The following LAIR2 variants were observed in gnomAD, a reference collection of about 807,000 sequenced individuals.
The protein encoded by LAIR2 is leukocyte-associated immunoglobulin-like receptor 2.
Under a neutral mutation model 14.8 loss-of-function variants are expected in LAIR2, and 14 were observed. That is an observed-to-expected ratio of 0.95 (90% CI 0.62 to 1.48). The LOEUF is 1.48. Among genes scored for constraint, LAIR2 ranks in the 40% most tolerant of loss-of-function variants. The probability of loss-of-function intolerance (pLI) is 0.00; values close to 1 mark genes in which losing one functional copy is unlikely to be tolerated. For missense variants in LAIR2, 172 were observed against 180.9 expected, an observed-to-expected ratio of 0.95 and a Z score of 0.28; for synonymous variants, 75 against 74.5, an observed-to-expected ratio of 1.01 and a Z score of -0.03.
At chr19:54,506,293 G>A (rs772248358) in intron 2 of LAIR2, among the ~76,000 whole-genome samples, 53 of 152,132 alleles carry the variant, frequency 3.5e-4, no homozygotes, top group Non-Finnish European at 6.8e-4. Flanking sequence ...TGGTGAGAAC[G>A]CTTAGAATCA....
At chr19:54,506,016 G>T (rs1337865136) in intron 2 of LAIR2, among the ~76,000 whole-genome samples, 1 of 151,876 alleles carries the variant, frequency 6.6e-6, no homozygotes, top group Non-Finnish European at 1.5e-5. Context: ...GTAGAGACGG[G>T]GATTCACCAT....
At chr19:54,508,261 C>T (rs1260495369) in intron 3 of LAIR2, 77 bp downstream of exon 3, 46 of 1,421,912 alleles carry the variant, frequency 3.2e-5, no homozygotes, top group Middle Eastern at 5.1e-4. Context: ...GTCCCTGTCC[C>T]GGCTGCTGTC....
rs779830903 is a variant in LAIR2, at chr19:54,503,734, G to A, written c.69G>A (p.Glu23=). Residue 23 remains glutamate (E), a splice_region_variant and synonymous_variant, in exon 2 of 5, where the codon GAG becomes GAA. Transcript: ENST00000301202. The part of the protein sequence containing the change: ...LCLAQTIHTQ[E]GALPRPSISA... ...TGGCCCAGACCATCCACACGCAGGA[G>A]GGTAAGTCATGCCTTCGTCCCGTCT... 1.2e-6 allele frequency: 2 copies of A among 1,614,020 alleles called. No homozygotes were observed. The highest frequency in any genetic ancestry group is 2.2e-5 in the South Asian group (2 of 91,076).
intron 4 of LAIR2, among the ~76,000 whole-genome samples, 196 bp from the exon 5 acceptor site, chr19:54,510,330 C>T (rs1020015888): frequency 6.6e-6 from 1 of 151,392 alleles, no homozygotes; most frequent in Non-Finnish European, 1.5e-5. Flanking sequence ...TGGCTCTATG[C>T]CTGACGGTGA....
chr19:54,508,360 A>G (rs114834145), intron 3 of LAIR2, among the ~76,000 whole-genome samples, 176 bp downstream of exon 3: 14,143 of 151,040 alleles, frequency 0.094, 747 homozygotes, highest in Middle Eastern at 0.16. Context: ...CTGCCCTCAC[A>G]CCTGCTTAGG....
At position 54,507,895 on chromosome 19, in the gene LAIR2, C is replaced by G; in HGVS notation, c.75C>G (p.Ala25=). 1.2e-6 allele frequency: 2 copies of G among 1,613,454 alleles called. No individual in the cohort carries two copies. Among genetic ancestry groups the G allele is most frequent in the Non-Finnish European group, 1.7e-6 (2 of 1,179,566 alleles). The change falls in exon 3 of 5, where the codon GCC becomes GCG. Residue 25 remains alanine, a synonymous_variant. Transcript: ENST00000301202. ...CCTTCTTTGCTTCCCTCTTAGGGGCCCTTCCCAGACCCTCCATCTCGGCTG... is the reference window on the plus strand; with the variant it reads ...CCTTCTTTGCTTCCCTCTTAGGGGCGCTTCCCAGACCCTCCATCTCGGCTG... ...LAQTIHTQEG[A]LPRPSISAEP... is the part of the protein sequence containing the mutation.
In LAIR2 at chr19:54,503,700, T is replaced by G. The variant is rs538736565; in HGVS notation, c.35T>G (p.Val12Gly). The change falls in exon 2 of 5, where the codon GTG (valine) becomes GGG (glycine). Residue 12 changes from valine (V) to glycine (G), a missense_variant and splice_region_variant. Physicochemically the swap from Val to Gly is moderately radical, Grantham distance 109. This residue lies in a region of LAIR2 where 161 missense variants were observed against 149.0 expected (regional missense o/e 1.08). Coordinates refer to ENST00000301202, the MANE Select transcript of LAIR2 (RefSeq NM_002288.6). The part of the protein sequence containing the change: ...SPHLTALLGL[V>G]LCLAQTIHTQ... ...TTTCTCACTGGGGCTTCTCTTCCAG[T>G]GCTCTGCCTGGCCCAGACCATCCAC... 6.2e-7 allele frequency: 1 copy of G among 1,613,972 alleles called. No homozygotes were observed. The highest frequency in any genetic ancestry group is 1.1e-5 in the South Asian group (1 of 91,070).
At position 54,507,353 on chromosome 19, in the gene LAIR2, G is replaced by T. The variant is rs185920506; in HGVS notation, c.71-538G>T. On this transcript the variant is annotated intron_variant, in intron 2 of 4. Coordinates refer to ENST00000301202, the MANE Select transcript of LAIR2 (RefSeq NM_002288.6). Reference sequence around the variant, plus strand: ...ACCTGTCACGGGCTGGGCATCTGCTGTGAGCAGATCAGGGCTGGGGGCTTC... The same window carrying T: ...ACCTGTCACGGGCTGGGCATCTGCTTTGAGCAGATCAGGGCTGGGGGCTTC... 2.7e-3 allele frequency among the ~76,000 whole-genome samples: 407 copies of T among 151,644 alleles called. 1 individual carries two copies. The highest frequency in any genetic ancestry group is 9.4e-3 in the African/African-American group (392 of 41,492).
chr19:54,507,109 C>G (rs2085377740), intron 2 of LAIR2, among the ~76,000 whole-genome samples: 1 of 151,110 alleles, frequency 6.6e-6, no homozygotes, highest in Admixed American at 6.6e-5. Context: ...CCTGCCAGCT[C>G]TCTGCCCCGC....
At chr19:54,506,257 T>C (rs1203416993) in intron 2 of LAIR2, among the ~76,000 whole-genome samples, 1 of 152,196 alleles carries the variant, frequency 6.6e-6, no homozygotes, top group Non-Finnish European at 1.5e-5. Flanking sequence ...AACGTAGGCA[T>C]TCCTCCTGTG....
chr19:54,510,650 T>A lies in LAIR2; in HGVS notation c.*81T>A. The A allele has an allele frequency of 6.9e-7, 1 of 1,446,814 alleles. No individual in the cohort carries two copies. Among genetic ancestry groups the A allele is most frequent in the Non-Finnish European group, 9.7e-7 (1 of 1,030,614 alleles). 89.6% of individuals were successfully genotyped at this position (1,446,814 alleles called of 1,614,324 possible). A position where few individuals can be genotyped will look rare whatever the true frequency, so the allele number is the denominator to read the frequency against. On this transcript the variant is annotated 3_prime_UTR_variant, in exon 5 of 5. Transcript: ENST00000301202. ...TGAGCAATAGAAATGCACAGATGCC[T>A]ATACATACATATACAAATAAAAAGA...
At chr19:54,509,965 G>A (rs909270241) in intron 4 of LAIR2, among the ~76,000 whole-genome samples, 1 of 148,228 alleles carries the variant, frequency 6.7e-6, no homozygotes, top group Non-Finnish European at 1.5e-5. Context: ...CCCGGTGACT[G>A]CCTGTGAGGC....
intron 3 of LAIR2, among the ~76,000 whole-genome samples, chr19:54,508,614 C>A (rs1355288659): frequency 6.6e-6 from 1 of 152,236 alleles, no homozygotes; most frequent in Admixed American, 6.5e-5. Context: ...TGGTTCATCT[C>A]CCACTGGGCA....
At position 54,509,902 on chromosome 19, in the gene LAIR2, C is replaced by T. The variant is rs990211501; in HGVS notation, c.416-624C>T. ...AGGACACGGGGTCATAAGCCATTCG[C>T]GGCCCCTTCCCCACCTGGGTTTCTA... On this transcript the variant is annotated intron_variant, in intron 4 of 4. Coordinates refer to ENST00000301202, the MANE Select transcript of LAIR2 (RefSeq NM_002288.6). 1.1e-4 allele frequency among the ~76,000 whole-genome samples: 16 copies of T among 151,164 alleles called. 1 individual carries two copies. The highest frequency in any genetic ancestry group is 3.4e-3 in the Middle Eastern group (1 of 292).
In LAIR2 at chr19:54,509,055, TC is replaced by T; in HGVS notation, c.389del (p.Pro130ArgfsTer25). The T allele has an allele frequency of 2.3e-6, 2 of 866,316 alleles. No individual in the cohort carries two copies. Among genetic ancestry groups the T allele is most frequent in the South Asian group, 1.9e-5 (1 of 53,130 alleles). The allele number at this position is 866,316 out of a possible 1,614,324, so 53.7% of individuals were successfully genotyped here. ...TACAGAAAGCTCTGGAGGCCCGGAC[TC>T]CCCGGACACAGAGCCCGGCTCCTCA... Reference protein sequence around the residue: ...LVKESSGGPDSPDTEPGSSAG... With the variant: ...LVKESSGGPDXPDTEPGSSAG... On this transcript the variant is annotated frameshift_variant, in exon 4 of 5. Transcript: ENST00000301202. LOFTEE classifies it high-confidence loss of function.
intron 2 of LAIR2, among the ~76,000 whole-genome samples, chr19:54,506,478 T>C (rs1409240223): frequency 6.6e-6 from 1 of 152,168 alleles, no homozygotes; most frequent in African/African-American, 2.4e-5. Context: ...AGGGAGTTTC[T>C]ACTCCTCCCT....
intron 3 of LAIR2, 38 bp downstream of exon 3, chr19:54,508,222 C>T (rs371398251): frequency 3.4e-5 from 53 of 1,581,400 alleles, no homozygotes; most frequent in Non-Finnish European, 3.8e-5. Flanking sequence ...AGTCTCAGCT[C>T]GACCCTCGAG....
intron 1 of LAIR2, 86 bp from the exon 2 acceptor site, chr19:54,503,614 C>T (rs1429503972): frequency 1.3e-5 from 20 of 1,564,946 alleles, no homozygotes; most frequent in Non-Finnish European, 1.7e-5. Flanking sequence ...CTGAATGCCC[C>T]CCAGCTCCGT....
At position 54,506,070 on chromosome 19, in the gene LAIR2, C is replaced by A. The variant is rs550395754; in HGVS notation, c.71-1821C>A. On this transcript the variant is annotated intron_variant, in intron 2 of 4. Transcript: ENST00000301202. ...GAACTCCTGACCTCAGGTGAGCCGC[C>A]CACCTCGGCCTCCCAAAGTACTGGG... 5.9e-5 allele frequency among the ~76,000 whole-genome samples: 9 copies of A among 152,222 alleles called. No homozygotes were observed. In the East Asian group the frequency reaches 1.7e-3, roughly 29 times the overall value.
Sources: allele counts gnomAD v4.1 joint callset (sites outside exome capture counted in the v4.1 genomes callset), GRCh38; gene constraint gnomAD v4.1.1; regional missense constraint gnomAD v4.1.1; transcripts MANE v1.5; gene names NCBI Gene and HGNC (gene_info 2026-07-23, HGNC 2026-07-21).